The following VDR variants were observed in gnomAD, a reference collection of about 807,000 sequenced individuals.
VDR encodes vitamin D3 receptor.
VDR carries 19 observed loss-of-function variants against 39.7 expected under a neutral mutation model. The ratio of observed to expected loss-of-function variants is 0.48; its 90% CI spans 0.33 to 0.70. VDR has a LOEUF of 0.70. Among genes scored for constraint, VDR ranks in the 30% least tolerant of loss-of-function variants. The pLI is 0.02. For missense variants in VDR, 442 were observed against 570.5 expected (o/e 0.77, Z 2.29); for synonymous variants, 242 against 215.8 (o/e 1.12, Z -1.07).
At chr12:47,896,983 G>A (rs1257706195) in intron 1 of VDR, 1 of 152,312 alleles carries the variant, frequency 6.6e-6, no homozygotes, top group Non-Finnish European at 1.5e-5. Context: ...TCCTAGACAG[G>A]AAGGGGAGGA....
At chr12:47,882,624 C>CGCCCGGGG in intron 2 of VDR, 70 bp downstream of exon 2, 1 of 422,404 alleles carries the variant, frequency 2.4e-6, no homozygotes, top group East Asian at 6.8e-5. Context: ...CCTTCTTATG[C>CGCCCGGGG]CCCTCCCCCC....
chr12:47,865,262 C>G, intron 3 of VDR, 85 bp from the exon 4 acceptor site: 1 of 1,586,012 alleles, frequency 6.3e-7, no homozygotes, highest in African/African-American at 1.3e-5. Flanking sequence ...CTTCTGGGCC[C>G]CCTGGTCTCC....
intron 2 of VDR, among the ~76,000 whole-genome samples, chr12:47,881,413 T>G (rs1218188188): frequency 6.6e-6 from 1 of 152,126 alleles, no homozygotes; most frequent in Non-Finnish European, 1.5e-5. Context: ...GACAATTCAT[T>G]CATACTCAAA....
chr12:47,891,125 T>C (rs1195509749), intron 1 of VDR, among the ~76,000 whole-genome samples: 2 of 152,196 alleles, frequency 1.3e-5, no homozygotes, highest in African/African-American at 4.8e-5. Context: ...TCTGAGATAT[T>C]TGGGATCCTT....
intron 1 of VDR, among the ~76,000 whole-genome samples, chr12:47,891,194 C>A (rs1946362967): frequency 6.6e-6 from 1 of 152,212 alleles, no homozygotes. Flanking sequence ...CCCTGGCCAC[C>A]TGACCACTGT....
intron 7 of VDR, among the ~76,000 whole-genome samples, chr12:47,851,816 A>T (rs1051647390): frequency 2.0e-5 from 3 of 152,220 alleles, no homozygotes; most frequent in Admixed American, 6.5e-5. Flanking sequence ...CATACTGAAG[A>T]CAGAGAAGCC....
chr12:47,893,411 A>G (rs999595498), intron 1 of VDR, among the ~76,000 whole-genome samples: 1 of 152,152 alleles, frequency 6.6e-6, no homozygotes, highest in Admixed American at 6.5e-5. Flanking sequence ...TCAGTAGTCG[A>G]GCTAGAAGGG....
At chr12:47,873,103 G>C (rs1002611279) in intron 3 of VDR, among the ~76,000 whole-genome samples, 2 of 152,174 alleles carry the variant, frequency 1.3e-5, no homozygotes, top group African/African-American at 4.8e-5. Context: ...CCCATGTGTC[G>C]AAGGAGGGGC....
At chr12:47,881,148 ACG>A (rs1249141211) in intron 2 of VDR, among the ~76,000 whole-genome samples, 2 of 151,402 alleles carry the variant, frequency 1.3e-5, no homozygotes, top group Non-Finnish European at 2.9e-5. Flanking sequence ...CTTTTTACAC[ACG>A]TATACTGTCC....
intron 9 of VDR, 41 bp downstream of exon 9, chr12:47,846,294 G>T (rs201747972): frequency 6.4e-7 from 1 of 1,574,366 alleles, no homozygotes; most frequent in South Asian, 1.1e-5. Context: ...CATACTCCCC[G>T]CTCCCCAGGT....
intron 3 of VDR, among the ~76,000 whole-genome samples, chr12:47,876,551 G>A (rs967198365): frequency 9.2e-5 from 14 of 152,318 alleles, no homozygotes; most frequent in African/African-American, 3.4e-4. Context: ...CAGTGGTTGT[G>A]ACCAACAGCC....
chr12:47,851,970 C>A (rs752953213), intron 7 of VDR, among the ~76,000 whole-genome samples: 1 of 152,146 alleles, frequency 6.6e-6, no homozygotes. Context: ...AGGAAGAGGG[C>A]AGACTTCAAC....
intron 2 of VDR, among the ~76,000 whole-genome samples, chr12:47,880,566 A>T (rs1455034737): frequency 6.6e-6 from 1 of 152,208 alleles, no homozygotes; most frequent in Non-Finnish European, 1.5e-5. Flanking sequence ...AGTGGTGCAG[A>T]TAAGCAAGAA....
intron 7 of VDR, among the ~76,000 whole-genome samples, chr12:47,849,016 A>G (rs1264208121): frequency 6.6e-6 from 1 of 152,184 alleles, no homozygotes; most frequent in Non-Finnish European, 1.5e-5. Context: ...GACTAGTTCC[A>G]CTATTCTGAG....
chr12:47,879,463 T>C (rs952998855), intron 2 of VDR, among the ~76,000 whole-genome samples: 22 of 152,220 alleles, frequency 1.4e-4, no homozygotes, highest in Admixed American at 1.4e-3. Context: ...AAGGATCATA[T>C]GCATGAACCC....
chr12:47,844,812 G>GA lies in VDR; in HGVS notation c.1217dup (p.Gln407ProfsTer3), dbSNP rs751737699. 1 of 1,614,194 alleles carries GA rather than the reference G, an allele frequency of 6.2e-7. No homozygotes were observed. Among genetic ancestry groups the GA allele is most frequent in the South Asian group, 1.1e-5 (1 of 91,092 alleles). Reference sequence around the variant, plus strand: ...TTAGCTTCATGCTGCACTCAGGCTGGAAGGAGAGGCAGCGGTACTGCTTGG... The same window carrying GA: ...TTAGCTTCATGCTGCACTCAGGCTGGAAAGGAGAGGCAGCGGTACTGCTTGG... On this transcript the variant is annotated frameshift_variant, in exon 10 of 10. Coordinates refer to ENST00000549336, the MANE Select transcript of VDR (RefSeq NM_000376.3). LOFTEE classifies it high-confidence loss of function.
In VDR at chr12:47,846,655, A is replaced by T; in HGVS notation, c.907+2T>A. On this transcript the variant is annotated splice_donor_variant, in intron 8 of 9. Coordinates refer to ENST00000549336, the MANE Select transcript of VDR (RefSeq NM_000376.3). LOFTEE classifies it high-confidence loss of function. ...TCCCCAGGAGGTGGAGTCTAGGCAT[A>T]CCTTTGGTCACGTCACTGACGCGGT... 1 of 1,613,376 alleles carries T rather than the reference A, an allele frequency of 6.2e-7. No homozygotes were observed. The highest frequency in any genetic ancestry group is 8.5e-7 in the Non-Finnish European group (1 of 1,180,010).
In VDR at chr12:47,843,326, A is replaced by G. The variant is rs56382517; in HGVS notation, c.*1420T>C. On this transcript the variant is annotated 3_prime_UTR_variant, in exon 10 of 10. Transcript: ENST00000549336. ...GGCAGTCACGTTCCCACTGACTTTA[A>G]CATTCCTGGTGACTCAGGGAATGCG... 0.01 allele frequency: 1,525 copies of G among 152,240 alleles called. 10 individuals carry two copies. The highest frequency in any genetic ancestry group is 0.016 in the Admixed American group (250 of 15,272). The allele number at this position is 152,240 out of a possible 1,614,324, so 9.4% of individuals were successfully genotyped here.
At chr12:47,845,081 C>G (rs1945254172) in intron 9 of VDR, 76 bp from the exon 10 acceptor site, 1 of 1,595,126 alleles carries the variant, frequency 6.3e-7, no homozygotes, top group Non-Finnish European at 8.5e-7. Context: ...CACCACCCCC[C>G]ACCCACACAG....
Sources: gnomAD v4.1 joint callset for allele counts (sites outside exome capture counted in the v4.1 genomes callset) on GRCh38, gnomAD v4.1.1 for gene constraint, MANE v1.5 for transcripts, NCBI Gene and HGNC (gene_info 2026-07-23, HGNC 2026-07-21) for gene names.